Variants in CCDC7 observed in about 807,000 individuals in gnomAD.
CCDC7 encodes the protein coiled-coil domain-containing protein 7.
In CCDC7, 183 loss-of-function variants were observed where a neutral mutation model predicts 196.9. The observed-to-expected ratio is 0.93, with a 90% CI of 0.82 to 1.05. The LOEUF (loss-of-function observed/expected upper bound fraction) is 1.05, where lower values mean the gene tolerates loss of function less well. CCDC7 is among the 50% of genes least tolerant of loss of function. The pLI is 0.00. For synonymous variants in CCDC7, 525 were observed against 484.6 expected, an observed-to-expected ratio of 1.08 and a Z score of -1.10; for missense variants, 1,540 against 1,482.2, an observed-to-expected ratio of 1.04 and a Z score of -0.64.
intron 13 of CCDC7, among the ~76,000 whole-genome samples, chr10:32,550,315 T>G (rs923301778): frequency 6.6e-6 from 1 of 151,910 alleles, no homozygotes; most frequent in African/African-American, 2.4e-5. Flanking sequence ...TTTCTGGAGG[T>G]GTCTTTAGGG....
intron 8 of CCDC7, among the ~76,000 whole-genome samples, chr10:32,478,401 C>T (rs192354119): frequency 4.3e-4 from 65 of 152,218 alleles, no homozygotes; most frequent in Non-Finnish European, 4.4e-5. Context: ...AGGGAGGAAG[C>T]ATTTAGGATT....
chr10:32,638,789 A>T (rs1017314633), intron 20 of CCDC7, among the ~76,000 whole-genome samples: 9 of 152,196 alleles, frequency 5.9e-5, no homozygotes, highest in African/African-American at 2.2e-4. Flanking sequence ...TGATTGGAAT[A>T]GTTTCAGAAG....
chr10:32,881,350 T>G (rs1027948978), downstream of CCDC7, among the ~76,000 whole-genome samples: 2 of 152,180 alleles, frequency 1.3e-5, no homozygotes, highest in African/African-American at 4.8e-5. Flanking sequence ...TAAATTTTAA[T>G]AGGTTGTGGG....
At chr10:32,785,606 G>A (rs12415361) in intron 29 of CCDC7, among the ~76,000 whole-genome samples, 52,132 of 151,964 alleles carry the variant, frequency 0.34, 11,336 homozygotes, top group Non-Finnish European at 0.49. Flanking sequence ...TAAAATAAGA[G>A]AATTATTTTT....
chr10:32,448,306 A>G (rs2031991838), upstream of CCDC7, among the ~76,000 whole-genome samples: 1 of 151,742 alleles, frequency 6.6e-6, no homozygotes, highest in Admixed American at 6.6e-5. Flanking sequence ...TATATATTAT[A>G]TATTTTTAAT....
At chr10:32,590,389 TC>T (rs1228575455) in intron 18 of CCDC7, among the ~76,000 whole-genome samples, 2 of 152,120 alleles carry the variant, frequency 1.3e-5, no homozygotes, top group Non-Finnish European at 2.9e-5. Context: ...TTTAACTTCA[TC>T]CCCCTGCTTT....
intron 30 of CCDC7, among the ~76,000 whole-genome samples, chr10:32,805,914 T>C (rs551899420): frequency 7.2e-5 from 11 of 152,316 alleles, no homozygotes; most frequent in African/African-American, 2.6e-4. Context: ...TGGGGAGGCC[T>C]CAGGGCGCTT....
chr10:32,451,690 T>C (rs1257353836), exon 1 of CCDC7: 2 of 1,612,188 alleles, frequency 1.2e-6, no homozygotes, highest in Admixed American at 1.7e-5. Context: ...AATCGGCAAA[T>C]GTTCCAGCAT....
At chr10:32,511,509 G>A in intron 9 of CCDC7, 6 of 1,603,640 alleles carry the variant, frequency 3.7e-6, no homozygotes, top group South Asian at 1.1e-5. Context: ...TGTTCCTTAG[G>A]ATTAACTCCT....
chr10:32,676,773 G>A (rs9732856), intron 21 of CCDC7, among the ~76,000 whole-genome samples: 21,026 of 152,010 alleles, frequency 0.14, 1,756 homozygotes, highest in East Asian at 0.25. Context: ...CTGTTGGTGG[G>A]ACTGTAAACT....
intron 29 of CCDC7, among the ~76,000 whole-genome samples, chr10:32,791,278 A>T: frequency 6.6e-6 from 1 of 152,166 alleles, no homozygotes; most frequent in East Asian, 1.9e-4. Context: ...TAAGTTTGGA[A>T]AGGAGACTGC....
intron 18 of CCDC7, among the ~76,000 whole-genome samples, chr10:32,600,271 C>G (rs1240442022): frequency 6.8e-6 from 1 of 146,528 alleles, no homozygotes; most frequent in African/African-American, 2.5e-5. Flanking sequence ...ATGTAGAGCT[C>G]TTTTACCTCA....
At chr10:32,505,150 T>C (rs1162653664) in intron 9 of CCDC7, among the ~76,000 whole-genome samples, 1 of 152,046 alleles carries the variant, frequency 6.6e-6, no homozygotes, top group East Asian at 1.9e-4. Context: ...TTTATAATTT[T>C]TTTTATGCCC....
intron 25 of CCDC7, among the ~76,000 whole-genome samples, chr10:32,720,619 C>T (rs1363500778): frequency 2.6e-5 from 4 of 152,044 alleles, no homozygotes; most frequent in African/African-American, 9.7e-5. Context: ...GATAACGATT[C>T]CCCTAAGAAC....
In CCDC7 at chr10:32,690,942, C is replaced by G. The variant is rs2077010429; in HGVS notation, c.2344+1779C>G. ...CCAAGGGTCATTTTGGTGGTGTCCTCAGATGCAAAACCAGAGAGCATTACT... is the reference window on the plus strand; with the variant it reads ...CCAAGGGTCATTTTGGTGGTGTCCTGAGATGCAAAACCAGAGAGCATTACT... On this transcript the variant is annotated intron_variant, in intron 23 of 41. Coordinates refer to ENST00000639629, the Ensembl canonical transcript of CCDC7. 5.9e-5 allele frequency among the ~76,000 whole-genome samples: 9 copies of G among 152,308 alleles called. 1 individual carries two copies. The South Asian group carries it at 1.9e-3, about 32-fold the overall frequency.
At chr10:32,593,929 C>T (rs904691128) in intron 18 of CCDC7, among the ~76,000 whole-genome samples, 1 of 152,146 alleles carries the variant, frequency 6.6e-6, no homozygotes, top group Admixed American at 6.6e-5. Flanking sequence ...GGTACCTGTA[C>T]CATGCTGTTT....
chr10:32,595,994 T>C (rs1174668931), intron 18 of CCDC7, among the ~76,000 whole-genome samples: 1 of 152,208 alleles, frequency 6.6e-6, no homozygotes, highest in Non-Finnish European at 1.5e-5. Flanking sequence ...ACGTGTGATG[T>C]GGTGCTGAGA....
intron 18 of CCDC7, among the ~76,000 whole-genome samples, chr10:32,619,910 C>CTTT (rs56089046): frequency 0.011 from 833 of 79,242 alleles, 137 homozygotes; most frequent in African/African-American, 0.051. Context: ...TTCAATGTAC[C>CTTT]TTTTTTTTTT....
At chr10:32,596,479 C>G (rs1371200936) in intron 18 of CCDC7, among the ~76,000 whole-genome samples, 1 of 151,910 alleles carries the variant, frequency 6.6e-6, no homozygotes, top group Non-Finnish European at 1.5e-5. Flanking sequence ...GGTGTTGACT[C>G]TATCCAATTT....
Sources: allele counts gnomAD v4.1 joint callset (sites outside exome capture counted in the v4.1 genomes callset), GRCh38; gene constraint gnomAD v4.1.1; transcripts MANE v1.5; gene names NCBI Gene and HGNC (gene_info 2026-07-23, HGNC 2026-07-21).